Variants in C1QTNF1 observed in about 807,000 individuals in gnomAD.
The protein encoded by C1QTNF1 is C1q and TNF related 1, also known as complement C1q tumor necrosis factor-related protein 1.
C1QTNF1 carries 22 observed loss-of-function variants against 27.8 expected under a neutral mutation model. The observed-to-expected ratio is 0.79, with a 90% CI of 0.56 to 1.13. The LOEUF (loss-of-function observed/expected upper bound fraction) is 1.13. Ranked by LOEUF, C1QTNF1 falls within the 50% of genes most tolerant of loss-of-function variation. The pLI is 0.00. For synonymous variants in C1QTNF1, 166 were observed against 154.3 expected (o/e 1.08, Z -0.56); for missense variants, 373 against 380.2 (o/e 0.98, Z 0.16).
Position 79,047,806 on chromosome 17 carries a change from C to T in C1QTNF1, c.564C>T (p.Tyr188=), listed in dbSNP as rs749013974. 3.1e-6 allele frequency: 5 copies of T among 1,614,234 alleles called. No homozygotes were observed. The highest frequency in any genetic ancestry group is 3.3e-5 in the Admixed American group (2 of 60,034). ...TGTTCACCGGCAAGTTCTACTGCTA[C>T]GTGCCCGGCCTCTACTTCTTCAGCC... is the stretch of plus-strand genomic sequence containing the variant. ...FNMFTGKFYC[Y]VPGLYFFSLN... Residue 188 remains tyrosine (Y), a synonymous_variant, in exon 4 of 4, where the codon TAC becomes TAT. Transcript: ENST00000579760.
rs138383380 is a variant in C1QTNF1 at position 79,047,616 on chromosome 17, C to T, written c.374C>T (p.Thr125Ile). 6 of 1,586,480 alleles carry T rather than the reference C, an allele frequency of 3.8e-6. No homozygotes were observed. Among genetic ancestry groups the T allele is most frequent in the Non-Finnish European group, 3.4e-6 (4 of 1,164,796 alleles). ...GGCTCAGCAGGGGCCAGGGGCCACA[C>T]TGGACCCAAAGGGCAGAAGGGCTCC... ...KTGSAGARGH[T>I]GPKGQKGSMG... The change falls in exon 4 of 4, where the codon ACT (threonine) becomes ATT (isoleucine). Residue 125 changes from threonine (T) to isoleucine (I), a missense_variant. Coordinates refer to ENST00000579760, the MANE Select transcript of C1QTNF1 (RefSeq NM_030968.5).
chr17:79,041,111 G>A (rs1483953704), intron 1 of C1QTNF1, among the ~76,000 whole-genome samples: 1 of 152,182 alleles, frequency 6.6e-6, no homozygotes, highest in Non-Finnish European at 1.5e-5. Flanking sequence ...ATTACCATGT[G>A]CACATACACC....
chr17:79,043,841 G>A (rs1427364235), intron 1 of C1QTNF1, 114 bp from the exon 2 acceptor site: 1 of 1,141,220 alleles, frequency 8.8e-7, no homozygotes, highest in Admixed American at 1.8e-5. Flanking sequence ...AGTGGCGTGA[G>A]GCTGGGGAAG....
chr17:79,045,418 G>A (rs948817812), intron 2 of C1QTNF1, among the ~76,000 whole-genome samples: 7 of 152,162 alleles, frequency 4.6e-5, no homozygotes, highest in East Asian at 1.9e-4. Flanking sequence ...TGAATTGGAC[G>A]GTGTTCTCGG....
At chr17:79,033,678 C>T (rs1157142872) in intron 1 of C1QTNF1, among the ~76,000 whole-genome samples, 4 of 151,822 alleles carry the variant, frequency 2.6e-5, no homozygotes, top group Non-Finnish European at 5.9e-5. Context: ...TGCACTCCAG[C>T]CTGGGTGACA....
intron 1 of C1QTNF1, among the ~76,000 whole-genome samples, chr17:79,029,946 C>CTAT (rs1383222316): frequency 1.3e-5 from 2 of 152,174 alleles, no homozygotes; most frequent in South Asian, 4.1e-4. Flanking sequence ...AGTAGACACT[C>CTAT]AATAAACACC....
In C1QTNF1 at chr17:79,047,862, C is replaced by T. The variant is rs999803997; in HGVS notation, c.620C>T (p.Thr207Ile). ...GTGCACACCTGGAACCAGAAGGAGA[C>T]CTACCTGCACATCATGAAGAACGAG... ...LNVHTWNQKE[T>I]YLHIMKNEEE... Residue 207 changes from threonine to isoleucine, a missense_variant, in exon 4 of 4, where the codon ACC becomes ATC. Thr to Ile is a moderately conservative substitution (Grantham distance 89). Coordinates refer to ENST00000579760, the MANE Select transcript of C1QTNF1 (RefSeq NM_030968.5). The T allele has an allele frequency of 6.2e-7, 1 of 1,614,200 alleles. No homozygotes were observed. Among genetic ancestry groups the T allele is most frequent in the Admixed American group, 1.7e-5 (1 of 60,018 alleles).
rs1302607980 is a variant in C1QTNF1, at chr17:79,047,990, C to A, written c.748C>A (p.Leu250Ile). The A allele has an allele frequency of 6.2e-7, 1 of 1,613,104 alleles. No homozygotes were observed. The highest frequency in any genetic ancestry group is 1.1e-5 in the South Asian group (1 of 91,034). ...AGAGCAGGACCAGGTGTGGGTACGC[C>A]TCTACAAGGGCGAACGTGAGAACGC... is the stretch of plus-strand genomic sequence containing the variant. ...LREQDQVWVR[L>I]YKGERENAIF... Residue 250 changes from leucine to isoleucine, a missense_variant, in exon 4 of 4, where the codon CTC becomes ATC. Coordinates refer to ENST00000579760, the MANE Select transcript of C1QTNF1 (RefSeq NM_030968.5).
At chr17:79,039,881 A>C (rs2072358000) in intron 1 of C1QTNF1, among the ~76,000 whole-genome samples, 1 of 151,948 alleles carries the variant, frequency 6.6e-6, no homozygotes, top group Non-Finnish European at 1.5e-5. Context: ...GGATTCAGGA[A>C]AAAAATATTT....
Position 79,043,858 on chromosome 17 carries a change from C to T in C1QTNF1, c.-14-97C>T, listed in dbSNP as rs184345893. 132 of 1,389,366 alleles carry T rather than the reference C, an allele frequency of 9.5e-5. No homozygotes were observed. In the East Asian group the frequency reaches 9.6e-4, roughly 10 times the overall value. 86.1% of individuals were successfully genotyped at this position (1,389,366 alleles called of 1,614,324 possible). Reference sequence around the variant, plus strand: ...TGGCGTGAGGCTGGGGAAGCACCTCCGATTTCCAGGCTGTTTCTCTCCCCA... The same window carrying T: ...TGGCGTGAGGCTGGGGAAGCACCTCTGATTTCCAGGCTGTTTCTCTCCCCA... On this transcript the variant is annotated intron_variant, in intron 1 of 3. Coordinates refer to ENST00000579760, the MANE Select transcript of C1QTNF1 (RefSeq NM_030968.5).
intron 1 of C1QTNF1, among the ~76,000 whole-genome samples, chr17:79,030,458 CTTTT>C (rs1568060894): frequency 5.0e-5 from 7 of 140,470 alleles, no homozygotes; most frequent in African/African-American, 1.6e-4. Context: ...TTCTTTCTTT[CTTTT>C]CTTTCTTTCT....
In C1QTNF1 at chr17:79,044,118, C is replaced by T. The variant is rs768824429; in HGVS notation, c.150C>T (p.Ala50=). Residue 50 remains alanine, a synonymous_variant, in exon 2 of 4, where the codon GCC becomes GCT. Transcript: ENST00000579760. ...AGCTGCCGTCGCCTCCGGACCATGC[C>T]GAGAGGTGAGGGGCCACGAGGGTGT... ...TEELPSPPDH[A]ERAEEQHEKY... The T allele has an allele frequency of 6.8e-5, 109 of 1,606,574 alleles. No individual in the cohort carries two copies. Among genetic ancestry groups the T allele is most frequent in the Non-Finnish European group, 8.6e-5 (101 of 1,175,642 alleles).
At chr17:79,041,703 A>T (rs572742853) in intron 1 of C1QTNF1, 37 of 146,896 alleles carry the variant, frequency 2.5e-4, no homozygotes, top group African/African-American at 8.9e-4. Context: ...ACTTGAACCT[A>T]GGAGGCGGAG....
At chr17:79,031,898 C>T (rs545615067) in intron 1 of C1QTNF1, among the ~76,000 whole-genome samples, 73 of 152,326 alleles carry the variant, frequency 4.8e-4, no homozygotes, top group African/African-American at 1.7e-3. Context: ...CACCAGGAGT[C>T]AGCACTCTGG....
intron 1 of C1QTNF1, among the ~76,000 whole-genome samples, chr17:79,037,089 CTTAT>C (rs2072280762): frequency 2.0e-5 from 3 of 152,140 alleles, no homozygotes; most frequent in Non-Finnish European, 4.4e-5. Flanking sequence ...ACAGGACCCA[CTTAT>C]TTGTTTATTT....
intron 1 of C1QTNF1, among the ~76,000 whole-genome samples, chr17:79,035,855 C>T (rs1289435638): frequency 6.6e-6 from 1 of 152,134 alleles, no homozygotes; most frequent in African/African-American, 2.4e-5. Context: ...AAAAGGCAGA[C>T]GAAGATGCTT....
At chr17:79,030,373 G>A (rs554081983) in intron 1 of C1QTNF1, among the ~76,000 whole-genome samples, 3 of 151,998 alleles carry the variant, frequency 2.0e-5, no homozygotes, top group East Asian at 3.9e-4. Context: ...CTGTATGTGC[G>A]TGTGTTTGGG....
Position 79,048,158 on chromosome 17 carries a change from C to T in C1QTNF1, c.*70C>T. 3 of 1,394,762 alleles carry T rather than the reference C, an allele frequency of 2.2e-6. No homozygotes were observed. Among genetic ancestry groups the T allele is most frequent in the Non-Finnish European group, 2.8e-6 (3 of 1,059,190 alleles). The allele number at this position is 1,394,762 out of a possible 1,614,324, so 86.4% of individuals were successfully genotyped here. A position where few individuals can be genotyped will look rare whatever the true frequency, so the allele number is the denominator to read the frequency against. ...CTGTGCTGACCCCACCGCCTCTTCC[C>T]CGATCCCTGGACTCCGACTCCCTGG... On this transcript the variant is annotated 3_prime_UTR_variant, in exon 4 of 4. Coordinates refer to ENST00000579760, the MANE Select transcript of C1QTNF1 (RefSeq NM_030968.5).
rs569490417 is a variant in C1QTNF1 at position 79,038,052 on chromosome 17, C to T, written c.-14-5903C>T. 3.6e-4 allele frequency among the ~76,000 whole-genome samples: 55 copies of T among 151,808 alleles called. 1 individual carries two copies. The South Asian group carries it at 9.1e-3, about 25-fold the overall frequency. The stretch of plus-strand genomic sequence containing the variant: ...TTGCTCAGGCTGGAGTGCAGTGGCG[C>T]GATCTTGGCTCACCACAACCTCTGC... On this transcript the variant is annotated intron_variant, in intron 1 of 3. Transcript: ENST00000579760.
Sources: gnomAD v4.1 joint callset for allele counts (sites outside exome capture counted in the v4.1 genomes callset) on GRCh38, gnomAD v4.1.1 for gene constraint, MANE v1.5 for transcripts, NCBI Gene and HGNC (gene_info 2026-07-23, HGNC 2026-07-21) for gene names.